GTF2H2C: variants seen among roughly 807,000 people sequenced by gnomAD.
GTF2H2C encodes general transcription factor IIH subunit 2-like protein.
Under a neutral mutation model 24.8 loss-of-function variants are expected in GTF2H2C, and 5 were observed. The ratio of observed to expected loss-of-function variants is 0.20; its 90% CI spans 0.11 to 0.42. GTF2H2C has a LOEUF of 0.42. Among genes scored for constraint, GTF2H2C ranks in the 20% least tolerant of loss-of-function variants. GTF2H2C has a pLI of 1.00. For synonymous variants in GTF2H2C, 14 were observed against 52.6 expected (o/e 0.27, Z 3.18); for missense variants, 45 against 169.8 (o/e 0.27, Z 4.08).
chr5:69,591,458 CTT>C (rs779304542), intron 16 of GTF2H2C, among the ~76,000 whole-genome samples: 10 of 136,802 alleles, frequency 7.3e-5, no homozygotes, highest in East Asian at 2.2e-4. Flanking sequence ...TTTATTCATT[CTT>C]TTTTTTTTTT....
chr5:69,590,165 G>A lies in GTF2H2C; in HGVS notation c.1029-163G>A, dbSNP rs1241537634. ...CTCCCAAAGTGCTGGGATTATAGGC[G>A]TGAGCCACTGTGCCTGGCCTATTGG... On this transcript the variant is annotated intron_variant, in intron 15 of 16. Transcript: ENST00000380729. Among the ~76,000 whole-genome samples, 6 of 146,486 alleles carry A rather than the reference G, an allele frequency of 4.1e-5. No homozygotes were observed. The South Asian group carries it at 6.6e-4, about 16-fold the overall frequency.
chr5:69,561,695 A>C (rs181916292), intron 1 of GTF2H2C, among the ~76,000 whole-genome samples: 2 of 151,956 alleles, frequency 1.3e-5, no homozygotes, highest in African/African-American at 4.8e-5. Context: ...TCTGTCACCC[A>C]GTCTGGAGTG....
chr5:69,563,208 GTTTTTT>G (rs372454225), intron 2 of GTF2H2C, among the ~76,000 whole-genome samples: 93 of 107,322 alleles, frequency 8.7e-4, no homozygotes, highest in African/African-American at 3.9e-3. Flanking sequence ...ACCCGGCCTG[GTTTTTT>G]TTTTTTTTTT....
At chr5:69,568,231 T>G (rs777414970) in intron 8 of GTF2H2C, 24 bp downstream of exon 8, 7 of 339,918 alleles carry the variant, frequency 2.1e-5, no homozygotes, top group Non-Finnish European at 3.7e-5. Flanking sequence ...TACCTTTACA[T>G]GACTCAAGGA....
At chr5:69,566,469 ATTC>A in intron 4 of GTF2H2C, 117 bp from the exon 5 acceptor site, 1 of 1,523,888 alleles carries the variant, frequency 6.6e-7, no homozygotes, top group Non-Finnish European at 8.9e-7. Flanking sequence ...ACGTTATGAC[ATTC>A]TTAATCAGAA....
rs1285880281 is a variant in GTF2H2C at position 69,594,365 on chromosome 5, A to G, written c.*2167A>G. 1.4e-5 allele frequency: 2 copies of G among 140,744 alleles called. No individual in the cohort carries two copies. Among genetic ancestry groups the G allele is most frequent in the Non-Finnish European group, 3.1e-5 (2 of 63,734 alleles). The allele number at this position is 140,744 out of a possible 1,614,324, so 8.7% of individuals were successfully genotyped here. On this transcript the variant is annotated 3_prime_UTR_variant, in exon 17 of 17. Transcript: ENST00000380729. ...TATAACTAAGAATTTTTAGTTAAGA[A>G]CATTATCAGTAAAGACAACGTAATC...
At chr5:69,560,731 G>A (rs1455726605) in intron 1 of GTF2H2C, 1 of 151,726 alleles carries the variant, frequency 6.6e-6, no homozygotes, top group Non-Finnish European at 1.5e-5. Context: ...ATTGTTTGGG[G>A]TTGGATTCCA....
intron 2 of GTF2H2C, among the ~76,000 whole-genome samples, chr5:69,563,208 G>GTTT (rs372454225): frequency 0.018 from 1,894 of 107,102 alleles, 134 homozygotes; most frequent in African/African-American, 0.08. Flanking sequence ...ACCCGGCCTG[G>GTTT]TTTTTTTTTT....
chr5:69,572,435 T>G lies in GTF2H2C; in HGVS notation c.365-10T>G. On this transcript the variant is annotated splice_polypyrimidine_tract_variant and intron_variant, in intron 8 of 16. Transcript: ENST00000380729. Reference sequence around the variant, plus strand: ...TAGGATTTTATTTAAAGACCTTATTTCTATTTTAGGAAACCCAAGAAAACA... The same window carrying G: ...TAGGATTTTATTTAAAGACCTTATTGCTATTTTAGGAAACCCAAGAAAACA... 7.9e-7 allele frequency: 1 copy of G among 1,263,590 alleles called. No individual in the cohort carries two copies. 78.3% of individuals were successfully genotyped at this position (1,263,590 alleles called of 1,614,324 possible).
rs1271808810 is a variant in GTF2H2C at position 69,560,341 on chromosome 5, G to A, written c.-194G>A. 6.6e-6 allele frequency: 1 copy of A among 151,040 alleles called. No individual in the cohort carries two copies. Among genetic ancestry groups the A allele is most frequent in the Non-Finnish European group, 1.5e-5 (1 of 67,746 alleles). The allele number at this position is 151,040 out of a possible 1,614,324, so 9.4% of individuals were successfully genotyped here. ...GTTTTCGTGGCGGGGAACGGAGGTT[G>A]AATTGCCCTGCCTGGGCTCATAGGG... On this transcript the variant is annotated 5_prime_UTR_variant, in exon 1 of 17. Coordinates refer to ENST00000380729, the MANE Select transcript of GTF2H2C (RefSeq NM_001376000.2).
intron 4 of GTF2H2C, 168 bp downstream of exon 4, chr5:69,566,376 A>G (rs1770759720): frequency 2.1e-6 from 2 of 960,930 alleles, no homozygotes; most frequent in Admixed American, 2.9e-5. Flanking sequence ...CCCAGCAGGA[A>G]ATGGTCTTTA....
At chr5:69,589,876 T>C (rs1771899755) in intron 15 of GTF2H2C, among the ~76,000 whole-genome samples, 1 of 13,746 alleles carries the variant, frequency 7.3e-5, no homozygotes, top group Non-Finnish European at 1.7e-4. Context: ...ATTGCTATTC[T>C]TTTTTTTTTT....
intron 2 of GTF2H2C, among the ~76,000 whole-genome samples, chr5:69,563,507 C>A (rs1371048889): frequency 1.3e-5 from 2 of 150,356 alleles, no homozygotes; most frequent in Non-Finnish European, 2.9e-5. Flanking sequence ...AGCCACTGCA[C>A]CTGGCCCTGG....
At chr5:69,590,202 C>CT (rs1360996693) in intron 15 of GTF2H2C, 126 bp from the exon 16 acceptor site, 4 of 144,786 alleles carry the variant, frequency 2.8e-5, no homozygotes, top group African/African-American at 1.1e-4. Context: ...ATTCTTAACT[C>CT]TTTTTCCTGA....
chr5:69,560,966 T>C (rs1770289950), intron 1 of GTF2H2C, among the ~76,000 whole-genome samples: 1 of 151,918 alleles, frequency 6.6e-6, no homozygotes, highest in Non-Finnish European at 1.5e-5. Flanking sequence ...CCATGTTGGC[T>C]AGGATGGTCT....
At chr5:69,560,852 G>A (rs2243524) in intron 1 of GTF2H2C, among the ~76,000 whole-genome samples, 90,335 of 150,850 alleles carry the variant, frequency 0.6, 30,462 homozygotes, top group South Asian at 0.76. Context: ...CCACCTCCCG[G>A]GTTCAAGCGA....
rs932002683 is a variant in GTF2H2C, at chr5:69,560,248, T to G, written c.-287T>G. On this transcript the variant is annotated 5_prime_UTR_variant, in exon 1 of 17. Coordinates refer to ENST00000380729, the MANE Select transcript of GTF2H2C (RefSeq NM_001376000.2). ...GAGTCCTTCTAGCGGCGCCGGTGAG[T>G]CCGCGTGTGGAAGTCTGTGAGGCGC... The G allele has an allele frequency of 1.4e-4, 22 of 151,862 alleles. No homozygotes were observed. The highest frequency in any genetic ancestry group is 5.3e-4 in the African/African-American group (22 of 41,236). 9.4% of individuals were successfully genotyped at this position (151,862 alleles called of 1,614,324 possible).
chr5:69,591,606 GCTTGT>G (rs1290127692), intron 16 of GTF2H2C, among the ~76,000 whole-genome samples: 1 of 150,386 alleles, frequency 6.6e-6, no homozygotes, highest in East Asian at 1.9e-4. Flanking sequence ...TTTCCTTTCT[GCTTGT>G]CTTATCTGTG....
chr5:69,563,867 C>T (rs550122103), intron 2 of GTF2H2C, among the ~76,000 whole-genome samples: 3 of 151,918 alleles, frequency 2.0e-5, no homozygotes, highest in East Asian at 1.9e-4. Flanking sequence ...CTCTGCCTTC[C>T]GGGTTCAAGC....
Sources: allele counts gnomAD v4.1 joint callset (sites outside exome capture counted in the v4.1 genomes callset), GRCh38; gene constraint gnomAD v4.1.1; transcripts MANE v1.5; gene names NCBI Gene and HGNC (gene_info 2026-07-23, HGNC 2026-07-21).